Variants in MAP4K5 observed in about 807,000 individuals in gnomAD.
MAP4K5 encodes mitogen-activated protein kinase kinase kinase kinase 5, also known as MAPK/ERK kinase kinase kinase 5.
In MAP4K5, 82 loss-of-function variants were observed where a neutral mutation model predicts 135.6. The observed-to-expected ratio is 0.60, with a 90% confidence interval of 0.51 to 0.73. MAP4K5 has a LOEUF of 0.73. Among genes scored for constraint, MAP4K5 ranks in the 30% least tolerant of loss-of-function variants. MAP4K5 has a pLI of 0.00. For synonymous variants in MAP4K5, 347 were observed against 335.0 expected (o/e 1.04, Z -0.39); for missense variants, 907 against 1,010.9 (o/e 0.90, Z 1.39).
intron 20 of MAP4K5, 75 bp downstream of exon 20, chr14:50,443,654 A>G: frequency 8.1e-7 from 1 of 1,233,414 alleles, no homozygotes; most frequent in Non-Finnish European, 1.1e-6. Flanking sequence ...AGGCTCAAGT[A>G]TATTGATAGC....
At chr14:50,472,248 T>G (rs941066703) in intron 9 of MAP4K5, 1 of 152,322 alleles carries the variant, frequency 6.6e-6, no homozygotes, top group Non-Finnish European at 1.5e-5. Flanking sequence ...AGAAACCTTA[T>G]GATTGTAAGA....
intron 3 of MAP4K5, among the ~76,000 whole-genome samples, chr14:50,492,803 A>C (rs2139966813): frequency 6.6e-6 from 1 of 152,196 alleles, no homozygotes; most frequent in South Asian, 2.1e-4. Context: ...ACTAAAAATA[A>C]TTGTTTTATT....
intron 3 of MAP4K5, among the ~76,000 whole-genome samples, chr14:50,499,991 G>A (rs2037673838): frequency 1.3e-5 from 2 of 152,148 alleles, no homozygotes; most frequent in Admixed American, 1.3e-4. Flanking sequence ...GGAAAAAAAT[G>A]TCTATAGAGT....
At chr14:50,553,838 A>G (rs1390337213) in intron 1 of MAP4K5, among the ~76,000 whole-genome samples, 2 of 152,180 alleles carry the variant, frequency 1.3e-5, no homozygotes, top group African/African-American at 2.4e-5. Context: ...ATTCTAAGTG[A>G]AGTAACTCAG....
intron 3 of MAP4K5, among the ~76,000 whole-genome samples, chr14:50,503,626 CTATAA>C (rs1421991584): frequency 2.0e-5 from 3 of 151,876 alleles, no homozygotes; most frequent in Non-Finnish European, 4.4e-5. Flanking sequence ...GCAAAAACTG[CTATAA>C]TATTAGGTTG....
intron 1 of MAP4K5, 82 bp downstream of exon 1, chr14:50,532,366 C>T: frequency 3.5e-6 from 1 of 286,628 alleles, no homozygotes; most frequent in Non-Finnish European, 6.5e-6. Flanking sequence ...GACGAGGCCT[C>T]CCCGCCAGCC....
Position 50,419,193 on chromosome 14 carries a change from AT to A in MAP4K5, c.*825del, listed in dbSNP as rs1276510495. The A allele has an allele frequency of 3.3e-5, 5 of 152,154 alleles. No individual in the cohort carries two copies. The highest frequency in any genetic ancestry group is 5.9e-5 in the Non-Finnish European group (4 of 68,002). The allele number at this position is 152,154 out of a possible 1,614,324, so 9.4% of individuals were successfully genotyped here. A position where few individuals can be genotyped will look rare whatever the true frequency, so the allele number is the denominator to read the frequency against. On this transcript the variant is annotated 3_prime_UTR_variant, in exon 33 of 33. Coordinates refer to ENST00000682126, the MANE Select transcript of MAP4K5 (RefSeq NM_006575.6). ...CCTAATGTAAAGAAAAATCACAGGT[AT>A]TTTATACTGCTTGTCAAGAATACAT...
intron 1 of MAP4K5, chr14:50,560,204 G>A (rs2140172899): frequency 1.2e-6 from 2 of 1,602,554 alleles, no homozygotes; most frequent in East Asian, 4.5e-5. Flanking sequence ...AGCAACCTGC[G>A]GCCCCGGAGA....
intron 2 of MAP4K5, among the ~76,000 whole-genome samples, chr14:50,520,406 CAGA>C (rs1349250784): frequency 2.6e-5 from 4 of 152,112 alleles, no homozygotes; most frequent in African/African-American, 7.2e-5. Context: ...GAGGCTGTGG[CAGA>C]AGAATTGCTT....
intron 14 of MAP4K5, among the ~76,000 whole-genome samples, chr14:50,455,289 C>T (rs1016813281): frequency 6.6e-6 from 1 of 151,748 alleles, no homozygotes; most frequent in Non-Finnish European, 1.5e-5. Flanking sequence ...ACTCTGGAAT[C>T]GAGAAAGCCT....
chr14:50,473,293 T>A (rs2139860489), intron 9 of MAP4K5, among the ~76,000 whole-genome samples: 1 of 152,280 alleles, frequency 6.6e-6, no homozygotes, highest in African/African-American at 2.4e-5. Flanking sequence ...ATTAGATATA[T>A]TCTACCTTTC....
rs145891328 is a variant in MAP4K5, at chr14:50,486,333, ATCTTTC to A, written c.167-145_167-140del. On this transcript the variant is annotated intron_variant, in intron 3 of 32. Coordinates refer to ENST00000682126, the MANE Select transcript of MAP4K5 (RefSeq NM_006575.6). ...TTCAATGAAAATGTAAACTGGTAGA[ATCTTTC>A]TATAAAGTCAGAAGTCTTTAAAATA... The A allele has an allele frequency of 5.5e-3, 2,637 of 481,844 alleles. 45 individuals carry two copies. The highest frequency in any genetic ancestry group is 0.05 in the African/African-American group (2,406 of 48,576). 29.8% of individuals were successfully genotyped at this position (481,844 alleles called of 1,614,324 possible).
chr14:50,548,662 G>A (rs185523288), intron 1 of MAP4K5, among the ~76,000 whole-genome samples: 134 of 152,032 alleles, frequency 8.8e-4, no homozygotes, highest in Middle Eastern at 3.4e-3. Flanking sequence ...GGCACACACC[G>A]CCACGCCCAG....
intron 15 of MAP4K5, among the ~76,000 whole-genome samples, chr14:50,448,541 A>C (rs1183678574): frequency 6.6e-6 from 1 of 152,046 alleles, no homozygotes; most frequent in African/African-American, 2.4e-5. Flanking sequence ...CATCATGTAA[A>C]ACCTTCAAAA....
rs376622009 is a variant in MAP4K5 at position 50,524,694 on chromosome 14, C to G, written c.108+7248G>C. 1.1e-3 allele frequency among the ~76,000 whole-genome samples: 171 copies of G among 151,008 alleles called. 2 individuals carry two copies. The South Asian group carries it at 0.033, about 29-fold the overall frequency. ...AGAGAAAGAGTGTTCTAAAGGAATA[C>G]CTGCAAAAATCTGAAAGACAGAGAG... On this transcript the variant is annotated intron_variant, in intron 2 of 32. Coordinates refer to ENST00000682126, the MANE Select transcript of MAP4K5 (RefSeq NM_006575.6).
chr14:50,424,570 T>G (rs928031518), intron 31 of MAP4K5, among the ~76,000 whole-genome samples: 2 of 151,190 alleles, frequency 1.3e-5, no homozygotes, highest in Admixed American at 6.6e-5. Flanking sequence ...ATTAGCTGGG[T>G]GTGTTGGTGC....
At chr14:50,427,091 AT>A (rs199751536) in intron 30 of MAP4K5, among the ~76,000 whole-genome samples, 2,034 of 151,662 alleles carry the variant, frequency 0.013, 15 homozygotes, top group African/African-American at 0.023. Context: ...TTGTAAAGGC[AT>A]TTTTTTTTCC....
At chr14:50,448,310 C>T (rs754189401) in intron 15 of MAP4K5, among the ~76,000 whole-genome samples, 35 of 152,026 alleles carry the variant, frequency 2.3e-4, no homozygotes, top group African/African-American at 4.3e-4. Flanking sequence ...CCACTGGGCC[C>T]GGCCACTTTT....
chr14:50,545,562 C>A (rs553870710), intron 1 of MAP4K5, among the ~76,000 whole-genome samples: 3 of 152,212 alleles, frequency 2.0e-5, no homozygotes, highest in South Asian at 4.2e-4. Context: ...GTGCAAGGAC[C>A]TAAGATGTTA....
Sources: gnomAD v4.1 joint callset for allele counts (sites outside exome capture counted in the v4.1 genomes callset) on GRCh38, gnomAD v4.1.1 for gene constraint, MANE v1.5 for transcripts, NCBI Gene and HGNC (gene_info 2026-07-23, HGNC 2026-07-21) for gene names.